Variants in SPMIP7 observed in about 807,000 individuals in gnomAD.
SPMIP7 encodes the protein protein SPMIP7.
chr7:50,158,796 G>A, the SPMIP7 span, among the ~76,000 whole-genome samples: 4 of 152,098 alleles, frequency 2.6e-5, no homozygotes, highest in Non-Finnish European at 2.9e-5. Flanking sequence ...CAGGCACGGT[G>A]CGGTGGGGTT....
At chr7:50,143,158 CATTT>C in the SPMIP7 span, among the ~76,000 whole-genome samples, 1 of 115,946 alleles carries the variant, frequency 8.6e-6, no homozygotes, top group East Asian at 3.1e-4. Context: ...CAGTGAAAGC[CATTT>C]TTTTTTTTTT....
At chr7:50,097,681 G>GT in the SPMIP7 span, among the ~76,000 whole-genome samples, 2 of 40,674 alleles carry the variant, frequency 4.9e-5, no homozygotes, top group Non-Finnish European at 1.1e-4. Flanking sequence ...GTCATTTTAT[G>GT]TTAAAAAAAA....
chr7:50,148,270 A>T, the SPMIP7 span, among the ~76,000 whole-genome samples: 2 of 151,822 alleles, frequency 1.3e-5, no homozygotes, highest in East Asian at 1.9e-4. Flanking sequence ...AATCAGTCTA[A>T]TCTTCCATGA....
chr7:50,149,403 A>C, the SPMIP7 span, among the ~76,000 whole-genome samples: 1 of 152,228 alleles, frequency 6.6e-6, no homozygotes, highest in Non-Finnish European at 1.5e-5. Flanking sequence ...TATTCATTGA[A>C]GTCTCCTCTA....
At chr7:50,098,977 A>C in the SPMIP7 span, among the ~76,000 whole-genome samples, 1 of 152,134 alleles carries the variant, frequency 6.6e-6, no homozygotes, top group South Asian at 2.1e-4. Context: ...TACCCATTAA[A>C]CAACCCCCTA....
At chr7:50,135,499 G>A in the SPMIP7 span, among the ~76,000 whole-genome samples, 1 of 152,030 alleles carries the variant, frequency 6.6e-6, no homozygotes, top group African/African-American at 2.4e-5. Context: ...GGAAAAACAT[G>A]TCTTTAATAT....
the SPMIP7 span, among the ~76,000 whole-genome samples, chr7:50,134,729 C>T: frequency 5.9e-5 from 9 of 152,122 alleles, no homozygotes; most frequent in African/African-American, 1.9e-4. Context: ...ACAAAGCATA[C>T]CAACTTTTCA....
chr7:50,124,874 G>C, the SPMIP7 span, among the ~76,000 whole-genome samples: 1 of 151,996 alleles, frequency 6.6e-6, no homozygotes, highest in East Asian at 1.9e-4. Context: ...CAAGTTGGGT[G>C]GATCACTTGA....
the SPMIP7 span, chr7:50,142,956 A>T: frequency 6.6e-6 from 1 of 152,224 alleles, no homozygotes; most frequent in African/African-American, 2.4e-5. Flanking sequence ...GCATAGGAGC[A>T]CATGCGCCTA....
chr7:50,121,090 T>C, the SPMIP7 span, among the ~76,000 whole-genome samples: 1 of 152,182 alleles, frequency 6.6e-6, no homozygotes, highest in African/African-American at 2.4e-5. Flanking sequence ...TCAAAAGATC[T>C]CATTACAGTT....
the SPMIP7 span, among the ~76,000 whole-genome samples, chr7:50,138,953 TA>T: frequency 2.0e-5 from 3 of 152,214 alleles, no homozygotes; most frequent in African/African-American, 7.2e-5. Context: ...TGATAAAATT[TA>T]TTTAAAGTAT....
chr7:50,140,061 A>C, the SPMIP7 span: 2 of 997,074 alleles, frequency 2.0e-6, no homozygotes, highest in South Asian at 3.4e-5. Context: ...TTTTGTCTTA[A>C]TTAGAGAAAT....
At chr7:50,100,534 C>G in the SPMIP7 span, among the ~76,000 whole-genome samples, 1 of 152,156 alleles carries the variant, frequency 6.6e-6, no homozygotes, top group Non-Finnish European at 1.5e-5. Flanking sequence ...ATTTTTCAGT[C>G]AGGCACGGTG....
At chr7:50,142,536 TTTC>T in the SPMIP7 span, 1 of 152,336 alleles carries the variant, frequency 6.6e-6, no homozygotes, top group East Asian at 1.9e-4. Context: ...GGTTGCAAAG[TTTC>T]TTCTTTTGAT....
chr7:50,136,810 C>T, the SPMIP7 span, among the ~76,000 whole-genome samples: 2 of 152,024 alleles, frequency 1.3e-5, no homozygotes, highest in Admixed American at 6.5e-5. Context: ...TTCATTTTTG[C>T]TCGTAACACA....
chr7:50,132,370 A>G, the SPMIP7 span, among the ~76,000 whole-genome samples: 1 of 152,130 alleles, frequency 6.6e-6, no homozygotes, highest in Non-Finnish European at 1.5e-5. Flanking sequence ...CTTGATTTTA[A>G]TTTTAAAAAT....
chr7:50,146,798 T>C, the SPMIP7 span, among the ~76,000 whole-genome samples: 1 of 152,204 alleles, frequency 6.6e-6, no homozygotes, highest in Non-Finnish European at 1.5e-5. Context: ...CACTTTCTGC[T>C]CCCCTTGCCC....
the SPMIP7 span, among the ~76,000 whole-genome samples, chr7:50,125,034 G>A: frequency 2.5e-4 from 37 of 150,094 alleles, no homozygotes; most frequent in East Asian, 4.1e-3. Flanking sequence ...AGGAGGCGGA[G>A]ATTGCAGTGA....
chr7:50,129,099 T>C, the SPMIP7 span, among the ~76,000 whole-genome samples: 9 of 152,056 alleles, frequency 5.9e-5, no homozygotes, highest in East Asian at 1.5e-3. Flanking sequence ...TTTTCAAAAC[T>C]GAGGGTGAAT....
Sources: allele counts gnomAD v4.1 joint callset (sites outside exome capture counted in the v4.1 genomes callset), GRCh38; gene constraint gnomAD v4.1.1; transcripts MANE v1.5; gene names NCBI Gene and HGNC (gene_info 2026-07-23, HGNC 2026-07-21).